TSPAN9: variants seen among roughly 807,000 people sequenced by gnomAD.
TSPAN9 encodes tetraspanin 9.
Under a neutral mutation model 31.0 loss-of-function variants are expected in TSPAN9, and 16 were observed. That is an observed-to-expected ratio of 0.52 (90% CI 0.35 to 0.78). TSPAN9 has a LOEUF of 0.78. TSPAN9 is among the 30% of genes least tolerant of loss of function. The probability of loss-of-function intolerance (pLI) is 0.01; values close to 1 mark genes in which losing one functional copy is unlikely to be tolerated. For missense variants in TSPAN9, 272 were observed against 312.5 expected, an observed-to-expected ratio of 0.87 and a Z score of 0.98; for synonymous variants, 145 against 121.6, an observed-to-expected ratio of 1.19 and a Z score of -1.27.
chr12:3,120,119 A>G (rs1319250753), intron 2 of TSPAN9, among the ~76,000 whole-genome samples: 1 of 152,186 alleles, frequency 6.6e-6, no homozygotes, highest in African/African-American at 2.4e-5. Context: ...CCTCTTTAAA[A>G]TGAAGGTTTA....
At chr12:3,194,685 C>T (rs2098366228) in intron 2 of TSPAN9, among the ~76,000 whole-genome samples, 1 of 152,192 alleles carries the variant, frequency 6.6e-6, no homozygotes, top group Non-Finnish European at 1.5e-5. Context: ...CCATGCCTGG[C>T]CTTTCTTTTC....
chr12:3,242,508 C>T (rs1167948110), intron 3 of TSPAN9, among the ~76,000 whole-genome samples: 1 of 152,258 alleles, frequency 6.6e-6, no homozygotes, highest in East Asian at 1.9e-4. Flanking sequence ...TGAACAGAGC[C>T]CAGAGTAGAA....
intron 3 of TSPAN9, among the ~76,000 whole-genome samples, chr12:3,207,448 G>A (rs551233834): frequency 5.3e-5 from 8 of 152,320 alleles, no homozygotes; most frequent in South Asian, 4.1e-4. Flanking sequence ...TAGAAGTGGT[G>A]GGGGGTTGGG....
chr12:3,179,289 C>T (rs2098357525), intron 2 of TSPAN9, among the ~76,000 whole-genome samples: 1 of 152,194 alleles, frequency 6.6e-6, no homozygotes, highest in Non-Finnish European at 1.5e-5. Flanking sequence ...TCACCCCACT[C>T]TGACTCCAGG....
intron 3 of TSPAN9, among the ~76,000 whole-genome samples, chr12:3,213,961 C>T (rs1447545073): frequency 2.6e-5 from 4 of 152,200 alleles, no homozygotes; most frequent in Non-Finnish European, 5.9e-5. Flanking sequence ...TTGGAAGATG[C>T]ATGCCAGTTA....
chr12:3,203,977 A>G (rs568481416), intron 3 of TSPAN9, among the ~76,000 whole-genome samples: 1 of 152,128 alleles, frequency 6.6e-6, no homozygotes, highest in Non-Finnish European at 1.5e-5. Context: ...CATCAAAGGC[A>G]GGTGGGGTGT....
At chr12:3,123,249 C>T (rs2098325939) in intron 2 of TSPAN9, among the ~76,000 whole-genome samples, 1 of 152,220 alleles carries the variant, frequency 6.6e-6, no homozygotes, top group Non-Finnish European at 1.5e-5. Flanking sequence ...TGGGAGGAAC[C>T]TGTTGCTCCT....
chr12:3,286,545 A>G lies in TSPAN9; in HGVS notation c.*3429A>G, dbSNP rs922944057. On this transcript the variant is annotated 3_prime_UTR_variant, in exon 9 of 9. Coordinates refer to ENST00000011898, the MANE Select transcript of TSPAN9 (RefSeq NM_006675.5). The surrounding 1 kb of genome is among the most constrained non-coding windows in gnomAD (Gnocchi z 4.1). ...AGCATGTTTTTAAATAAAAACGGAT[A>G]AAGTGTCAAAAGCACAGCAGGCTGT... The G allele has an allele frequency of 1.3e-5, 2 of 152,304 alleles. No individual in the cohort carries two copies. Among genetic ancestry groups the G allele is most frequent in the Non-Finnish European group, 2.9e-5 (2 of 68,030 alleles). 9.4% of individuals were successfully genotyped at this position (152,304 alleles called of 1,614,324 possible).
intron 3 of TSPAN9, among the ~76,000 whole-genome samples, chr12:3,222,413 G>A (rs2098385059): frequency 6.6e-6 from 1 of 152,220 alleles, no homozygotes; most frequent in Admixed American, 6.5e-5. Context: ...TGAGCAGCAA[G>A]TGCTTCCTGG....
intron 2 of TSPAN9, 164 bp from the exon 3 acceptor site, chr12:3,201,013 C>T (rs1244867136): frequency 8.1e-6 from 5 of 618,378 alleles, no homozygotes; most frequent in Non-Finnish European, 1.4e-5. Context: ...CCACCTCCGG[C>T]CGCCCGTTCG....
chr12:3,080,483 C>T (rs542120362), intron 1 of TSPAN9, among the ~76,000 whole-genome samples: 31 of 152,092 alleles, frequency 2.0e-4, no homozygotes, highest in South Asian at 4.2e-4. Context: ...TACAGGCGCC[C>T]GCCATCACCC....
rs140136191 is a variant in TSPAN9, at chr12:3,178,324, C to T, written c.-17-22853C>T. ...TTTTTTGAGACAGAGTTGTTTCGCT[C>T]TTGTTGCCCAGGCTGGAGTGCAGTG... is the stretch of plus-strand genomic sequence containing the variant. On this transcript the variant is annotated intron_variant, in intron 2 of 8. Transcript: ENST00000011898. Among the ~76,000 whole-genome samples the T allele has an allele frequency of 1.3e-4, 20 of 149,740 alleles. No homozygotes were observed. In the East Asian group the frequency reaches 3.5e-3, roughly 26 times the overall value.
At chr12:3,145,184 C>T (rs78157554) in intron 2 of TSPAN9, among the ~76,000 whole-genome samples, 154 of 152,266 alleles carry the variant, frequency 1.0e-3, no homozygotes, top group African/African-American at 3.2e-3. Context: ...CTGCTTGGAC[C>T]GTGAGGCCCT....
chr12:3,100,062 C>T (rs922411004), intron 2 of TSPAN9, among the ~76,000 whole-genome samples: 3 of 152,022 alleles, frequency 2.0e-5, no homozygotes, highest in African/African-American at 7.2e-5. Context: ...GGGATGGTCT[C>T]GATCTCCTGA....
At chr12:3,214,383 G>T (rs1469229334) in intron 3 of TSPAN9, among the ~76,000 whole-genome samples, 3 of 152,228 alleles carry the variant, frequency 2.0e-5, no homozygotes, top group Admixed American at 6.5e-5. Context: ...GGAACTCACT[G>T]CCTGGACAAA....
intron 2 of TSPAN9, among the ~76,000 whole-genome samples, chr12:3,160,840 C>G (rs1047584670): frequency 1.3e-5 from 2 of 152,016 alleles, no homozygotes; most frequent in African/African-American, 4.8e-5. Context: ...GGTTATAAGC[C>G]CCTTAATCAA....
Position 3,256,543 on chromosome 12 carries a change from G to A in TSPAN9, c.64-21878G>A, listed in dbSNP as rs201233831. On this transcript the variant is annotated intron_variant, in intron 3 of 8. Coordinates refer to ENST00000011898, the MANE Select transcript of TSPAN9 (RefSeq NM_006675.5). ...GAGAGCTGCCTCTAGCGTAATCGTC[G>A]ATTTCGGGAGCGGCCCGGCTAGGGC... Among the ~76,000 whole-genome samples the A allele has an allele frequency of 3.3e-5, 5 of 152,312 alleles. No individual in the cohort carries two copies. In the East Asian group the frequency reaches 5.8e-4, roughly 18 times the overall value.
chr12:3,199,298 C>T (rs1489277291), intron 2 of TSPAN9, among the ~76,000 whole-genome samples: 1 of 152,186 alleles, frequency 6.6e-6, no homozygotes, highest in African/African-American at 2.4e-5. Flanking sequence ...TGGCTCTTGC[C>T]CTCGGGTGCT....
intron 2 of TSPAN9, among the ~76,000 whole-genome samples, chr12:3,092,413 G>A (rs1224210514): frequency 6.6e-6 from 1 of 152,140 alleles, no homozygotes; most frequent in African/African-American, 2.4e-5. Context: ...GTAAAGTTAG[G>A]TCAGTCCCCA....
Sources: allele counts gnomAD v4.1 joint callset (sites outside exome capture counted in the v4.1 genomes callset), GRCh38; gene constraint gnomAD v4.1.1; non-coding constraint Gnocchi (gnomAD v3.1); transcripts MANE v1.5; gene names NCBI Gene and HGNC (gene_info 2026-07-23, HGNC 2026-07-21).